The following HECW1 variants were observed in gnomAD, a reference collection of about 807,000 sequenced individuals.
HECW1 encodes E3 ubiquitin-protein ligase HECW1.
Under a neutral mutation model 182.3 loss-of-function variants are expected in HECW1, and 61 were observed. The observed-to-expected ratio is 0.33, with a 90% CI of 0.27 to 0.41. The LOEUF (loss-of-function observed/expected upper bound fraction) is 0.41. Ranked by LOEUF, HECW1 falls within the 10% of genes least tolerant of loss-of-function variation. The pLI, the probability that HECW1 is intolerant of heterozygous loss-of-function variation, is 1.00. For missense variants in HECW1, 1,739 were observed against 2,108.9 expected, an observed-to-expected ratio of 0.82 and a Z score of 3.44; for synonymous variants, 859 against 832.6, an observed-to-expected ratio of 1.03 and a Z score of -0.55.
At position 43,444,112 on chromosome 7, in the gene HECW1, C is replaced by A; in HGVS notation, c.1046-106C>A. ...ACCCTCATCAACCTACATTCAATAT[C>A]CTAATGTAGAAATCCCTTAGTGATG... On this transcript the variant is annotated intron_variant, in intron 10 of 29. Transcript: ENST00000395891. This position sits in a 1 kb window ranked among gnomAD's most constrained non-coding sequence, Gnocchi z 4.3. 8.8e-7 allele frequency: 1 copy of A among 1,132,136 alleles called. No individual in the cohort carries two copies. The highest frequency in any genetic ancestry group is 1.2e-6 in the Non-Finnish European group (1 of 803,268). 70.1% of individuals were successfully genotyped at this position (1,132,136 alleles called of 1,614,324 possible).
At chr7:43,498,895 A>G (rs541610409) in intron 19 of HECW1, among the ~76,000 whole-genome samples, 1 of 152,290 alleles carries the variant, frequency 6.6e-6, no homozygotes, top group East Asian at 1.9e-4. Context: ...GAAAATCTCT[A>G]AGTTATGATG....
chr7:43,313,389 G>A (rs1808785614), intron 4 of HECW1, among the ~76,000 whole-genome samples: 1 of 150,196 alleles, frequency 6.7e-6, no homozygotes, highest in East Asian at 2.0e-4. Context: ...ACAGGCTGGA[G>A]TTCAGTGGTG....
intron 2 of HECW1, among the ~76,000 whole-genome samples, chr7:43,163,990 G>A (rs1562618266): frequency 6.6e-6 from 1 of 152,208 alleles, no homozygotes; most frequent in Non-Finnish European, 1.5e-5. Context: ...CAGGAGGTGG[G>A]CAGGAGTTCA....
chr7:43,299,923 A>C (rs1056971121), intron 3 of HECW1, among the ~76,000 whole-genome samples: 1 of 152,212 alleles, frequency 6.6e-6, no homozygotes, highest in Non-Finnish European at 1.5e-5. Context: ...TATGCCACTC[A>C]TCTAGGTCAC....
chr7:43,159,613 C>CT (rs1408364850), intron 2 of HECW1, among the ~76,000 whole-genome samples: 2 of 151,470 alleles, frequency 1.3e-5, no homozygotes, highest in Non-Finnish European at 2.9e-5. Flanking sequence ...ATTCTACTAA[C>CT]ACATACAAAA....
chr7:43,272,192 T>C (rs895244446), intron 3 of HECW1, among the ~76,000 whole-genome samples: 2 of 151,982 alleles, frequency 1.3e-5, no homozygotes, highest in African/African-American at 2.4e-5. Context: ...AAAAATTAAC[T>C]CAAGATGGAT....
At chr7:43,544,802 A>T (rs2081493553) in intron 26 of HECW1, among the ~76,000 whole-genome samples, 2 of 152,202 alleles carry the variant, frequency 1.3e-5, no homozygotes, top group African/African-American at 4.8e-5. Flanking sequence ...GGACACCCCA[A>T]CCCCTCAATT....
Position 43,445,386 on chromosome 7 carries a change from C to T in HECW1, c.2214C>T (p.Asp738=), listed in dbSNP as rs374095777. 1.2e-6 allele frequency: 2 copies of T among 1,613,502 alleles called. No homozygotes were observed. The highest frequency in any genetic ancestry group is 1.3e-5 in the African/African-American group (1 of 74,906). ...SESTVFSSQD[D]EEEENSAFES... is the part of the protein sequence containing the mutation. ...GCACGGTCTTCTCCTCGCAAGACGA[C>T]GAGGAGGAGGAGAACAGCGCGTTCG... Residue 738 remains aspartate (D), a synonymous_variant, in exon 11 of 30, where the codon GAC becomes GAT. Coordinates refer to ENST00000395891, the MANE Select transcript of HECW1 (RefSeq NM_015052.5).
At chr7:43,147,060 A>C (rs530444254) in intron 2 of HECW1, among the ~76,000 whole-genome samples, 2 of 152,180 alleles carry the variant, frequency 1.3e-5, no homozygotes, top group Non-Finnish European at 2.9e-5. Context: ...GGGTAATGGA[A>C]ATTTTGTACT....
intron 6 of HECW1, among the ~76,000 whole-genome samples, chr7:43,373,735 C>T (rs116004786): frequency 0.014 from 2,179 of 152,236 alleles, 60 homozygotes; most frequent in African/African-American, 0.05. Context: ...CCGTCTATCT[C>T]CAGGACTTTT....
At position 43,565,921 on chromosome 7, in the gene HECW1, T is replaced by C. The variant is rs561351240; in HGVS notation, c.*3995T>C. 22 of 194,854 alleles carry C rather than the reference T, an allele frequency of 1.1e-4. No homozygotes were observed. The Middle Eastern group carries it at 5.4e-3, about 48-fold the overall frequency. 12.1% of individuals were successfully genotyped at this position (194,854 alleles called of 1,614,324 possible). A position where few individuals can be genotyped will look rare whatever the true frequency, so the allele number is the denominator to read the frequency against. ...ATTTTGCTTACATCAGCAAGAGAAA[T>C]GTCACGTGATACTCAGGCCGCGCTT... On this transcript the variant is annotated 3_prime_UTR_variant, in exon 30 of 30. Transcript: ENST00000395891.
At chr7:43,253,723 T>C (rs1192713465) in intron 3 of HECW1, among the ~76,000 whole-genome samples, 1 of 152,128 alleles carries the variant, frequency 6.6e-6, no homozygotes, top group East Asian at 1.9e-4. Context: ...CTGGCCAATA[T>C]GGTGAAACCC....
At chr7:43,154,601 G>A (rs1789680916) in intron 2 of HECW1, among the ~76,000 whole-genome samples, 1 of 152,134 alleles carries the variant, frequency 6.6e-6, no homozygotes, top group South Asian at 2.1e-4. Flanking sequence ...GGTAAATAGT[G>A]TATATTAGGA....
At chr7:43,120,501 A>T (rs1291134671) in intron 2 of HECW1, among the ~76,000 whole-genome samples, 1 of 152,152 alleles carries the variant, frequency 6.6e-6, no homozygotes, top group East Asian at 1.9e-4. Context: ...TGCCTGGAAA[A>T]GTGTCTGGAA....
At chr7:43,495,675 T>C (rs925582953) in intron 19 of HECW1, among the ~76,000 whole-genome samples, 1 of 152,174 alleles carries the variant, frequency 6.6e-6, no homozygotes, top group Non-Finnish European at 1.5e-5. Context: ...ATGGCCACTT[T>C]CATTTATGTT....
chr7:43,282,979 G>A (rs948278546), intron 3 of HECW1, among the ~76,000 whole-genome samples: 2 of 152,066 alleles, frequency 1.3e-5, no homozygotes, highest in Non-Finnish European at 2.9e-5. Flanking sequence ...TTAGCTGAGC[G>A]CAGTGGCAAG....
At chr7:43,156,598 A>G (rs1042330459) in intron 2 of HECW1, among the ~76,000 whole-genome samples, 2 of 150,798 alleles carry the variant, frequency 1.3e-5, no homozygotes, top group African/African-American at 5.0e-5. Flanking sequence ...GGCTGTCATT[A>G]GTGAGTAAAT....
At chr7:43,480,523 G>A (rs2078386950) in intron 17 of HECW1, among the ~76,000 whole-genome samples, 1 of 151,914 alleles carries the variant, frequency 6.6e-6, no homozygotes, top group Non-Finnish European at 1.5e-5. Flanking sequence ...CCATAAAACA[G>A]CTTTTAGAAT....
intron 16 of HECW1, among the ~76,000 whole-genome samples, chr7:43,476,333 G>C (rs560797969): frequency 5.3e-5 from 8 of 152,216 alleles, no homozygotes; most frequent in African/African-American, 1.9e-4. Context: ...GTGTCTTTCA[G>C]TAAAACAACT....
Sources: allele counts gnomAD v4.1 joint callset (sites outside exome capture counted in the v4.1 genomes callset), GRCh38; gene constraint gnomAD v4.1.1; non-coding constraint Gnocchi (gnomAD v3.1); transcripts MANE v1.5; gene names NCBI Gene and HGNC (gene_info 2026-07-23, HGNC 2026-07-21).